The following ERCC6 variants were observed in gnomAD, a reference collection of about 807,000 sequenced individuals.
The protein encoded by ERCC6 is ERCC excision repair 6, chromatin remodeling factor.
Under a neutral mutation model 158.7 loss-of-function variants are expected in ERCC6, and 116 were observed. That is an observed-to-expected ratio of 0.73 (90% CI 0.63 to 0.85). The LOEUF (loss-of-function observed/expected upper bound fraction) is 0.85, where lower values mean the gene tolerates loss of function less well. Ranked by LOEUF, ERCC6 falls within the 40% of genes least tolerant of loss-of-function variation. The pLI, the probability that ERCC6 is intolerant of heterozygous loss-of-function variation, is 0.00. For synonymous variants in ERCC6, 678 were observed against 659.3 expected (o/e 1.03, Z -0.43); for missense variants, 1,698 against 1,799.4 (o/e 0.94, Z 1.02).
intron 11 of ERCC6, among the ~76,000 whole-genome samples, chr10:49,476,560 C>A (rs963133104): frequency 2.6e-5 from 4 of 152,116 alleles, no homozygotes; most frequent in African/African-American, 9.7e-5. Context: ...GCTTCCTGCT[C>A]ACGGGCAAGT....
chr10:49,513,996 CAA>C (rs941740624), intron 5 of ERCC6, among the ~76,000 whole-genome samples: 1 of 152,046 alleles, frequency 6.6e-6, no homozygotes, highest in African/African-American at 2.4e-5. Flanking sequence ...ATACTGTCTT[CAA>C]AAAAGTATTT....
chr10:49,461,409 G>A lies in ERCC6; in HGVS notation c.3926C>T (p.Ser1309Phe). 8.1e-6 allele frequency: 13 copies of A among 1,614,100 alleles called. No individual in the cohort carries two copies. The highest frequency in any genetic ancestry group is 1.1e-5 in the Non-Finnish European group (13 of 1,180,032). The change falls in exon 19 of 21, where the codon TCT (serine) becomes TTT (phenylalanine). Residue 1309 changes from serine to phenylalanine, a missense_variant. By Grantham distance (155) the Ser-to-Phe change is radical. Transcript: ENST00000355832. ...LSRQRCLGAV[S>F]GVPTWTGHRG... ...GTGGCCAGTCCAGGTGGGAACACCA[G>A]ACACTGCTCCCAGACACCGCTGACG...
chr10:49,535,488 G>C (rs996085023), intron 1 of ERCC6, among the ~76,000 whole-genome samples: 3 of 152,170 alleles, frequency 2.0e-5, no homozygotes, highest in Non-Finnish European at 2.9e-5. Context: ...CAAGAGGAAG[G>C]CTCAGCTCAC....
downstream of ERCC6, among the ~76,000 whole-genome samples, chr10:49,453,084 T>C (rs1320944912): frequency 6.6e-6 from 1 of 152,156 alleles, no homozygotes; most frequent in Admixed American, 6.5e-5. Flanking sequence ...TTACTTTTTG[T>C]TTTCTAGTAT....
rs993445429 is a variant in ERCC6, at chr10:49,506,053, A to G, written c.1398-41T>C. 3 of 1,608,990 alleles carry G rather than the reference A, an allele frequency of 1.9e-6. No homozygotes were observed. The Admixed American group carries it at 5.0e-5, about 27-fold the overall frequency. ...AAATCACATTTCCATTATTTTGATC[A>G]CAAGACAGATTTAAAAAGATAGCTC... On this transcript the variant is annotated intron_variant, in intron 5 of 20. Transcript: ENST00000355832.
In ERCC6 at chr10:49,497,574, G is replaced by A. The variant is rs544161593; in HGVS notation, c.1685+2964C>T. ...ATTTTCCCCCTTAGTAGAAAAAATT[G>A]GAGATTTTCACGCTGAGTTGAGATC... On this transcript the variant is annotated intron_variant, in intron 7 of 20. Coordinates refer to ENST00000355832, the MANE Select transcript of ERCC6 (RefSeq NM_000124.4). Among the ~76,000 whole-genome samples the A allele has an allele frequency of 1.1e-4, 17 of 152,258 alleles. No homozygotes were observed. In the East Asian group the frequency reaches 3.1e-3, roughly 28 times the overall value.
At chr10:49,507,734 C>T (rs1032594836) in intron 5 of ERCC6, among the ~76,000 whole-genome samples, 2 of 152,094 alleles carry the variant, frequency 1.3e-5, no homozygotes, top group Non-Finnish European at 1.5e-5. Flanking sequence ...TGGAAGGAGT[C>T]GGGAGGATAT....
At chr10:49,475,885 A>C (rs1404072529) in intron 12 of ERCC6, among the ~76,000 whole-genome samples, 1 of 152,172 alleles carries the variant, frequency 6.6e-6, no homozygotes, top group Admixed American at 6.5e-5. Context: ...TATCTGGGAA[A>C]ATGCAGCTAT....
chr10:49,471,219 G>T, intron 16 of ERCC6, 99 bp from the exon 17 acceptor site: 2 of 1,163,470 alleles, frequency 1.7e-6, no homozygotes, highest in Non-Finnish European at 2.5e-6. Flanking sequence ...AACAGCTGCT[G>T]CATGAATGGC....
Position 49,505,704 on chromosome 10 carries a change from T to C in ERCC6, c.1526+180A>G, listed in dbSNP as rs191681758. ...CCAATGCACATTTTAGTCAACTTAT[T>C]ATCATCCAATTTTAATGAACAGCAC... On this transcript the variant is annotated intron_variant, in intron 6 of 20. Transcript: ENST00000355832. The C allele has an allele frequency of 1.0e-4, 68 of 670,284 alleles. No homozygotes were observed. The Admixed American group carries it at 1.4e-3, about 14-fold the overall frequency. The allele number at this position is 670,284 out of a possible 1,614,324, so 41.5% of individuals were successfully genotyped here.
At position 49,459,101 on chromosome 10, in the gene ERCC6, A is replaced by G; in HGVS notation, c.4196T>C (p.Leu1399Pro). ...LLAKMRARNH[L>P]ILPERLESES... ...ACTTTCTAAACGCTCTGGCAGAATC[A>G]GGTGGTTTCTAGCTCTCATTTTAGC... The change falls in exon 21 of 21, where the codon CTG (leucine) becomes CCG (proline). Residue 1399 changes from leucine (L) to proline (P), a missense_variant. Coordinates refer to ENST00000355832, the MANE Select transcript of ERCC6 (RefSeq NM_000124.4). The G allele has an allele frequency of 6.2e-7, 1 of 1,614,218 alleles. No individual in the cohort carries two copies. Among genetic ancestry groups the G allele is most frequent in the Non-Finnish European group, 8.5e-7 (1 of 1,180,038 alleles).
intron 6 of ERCC6, chr10:49,505,154 T>C (rs1851422290): frequency 6.6e-6 from 1 of 152,144 alleles, no homozygotes; most frequent in Non-Finnish European, 1.5e-5. Context: ...CTTCCTAAAG[T>C]ATCTTGTTAA....
the ERCC6 span, among the ~76,000 whole-genome samples, chr10:49,438,927 C>T: frequency 6.6e-6 from 1 of 152,212 alleles, no homozygotes; most frequent in African/African-American, 2.4e-5. Context: ...ATCTAGGTCA[C>T]GCTGATGTAA....
chr10:49,481,229 TAACA>T (rs1850973173), intron 10 of ERCC6, among the ~76,000 whole-genome samples: 3 of 152,226 alleles, frequency 2.0e-5, no homozygotes, highest in African/African-American at 7.2e-5. Context: ...TGCAAAATGC[TAACA>T]ATCAGTGAAT....
intron 11 of ERCC6, among the ~76,000 whole-genome samples, chr10:49,476,866 T>C (rs1442284521): frequency 2.0e-5 from 3 of 152,132 alleles, no homozygotes; most frequent in African/African-American, 7.2e-5. Flanking sequence ...GCCAGTTACA[T>C]TCCCACGGAT....
rs1170946712 is a variant in ERCC6, at chr10:49,456,621, T to G, written c.*2194A>C. 1.3e-5 allele frequency: 2 copies of G among 152,246 alleles called. No individual in the cohort carries two copies. Among genetic ancestry groups the G allele is most frequent in the Non-Finnish European group, 2.9e-5 (2 of 68,044 alleles). The allele number at this position is 152,246 out of a possible 1,614,324, so 9.4% of individuals were successfully genotyped here. ...GGGGAGGCAGACTATTGCTTGAACATTTTTAATGGTGATAGTATTAACATT... is the reference window on the plus strand; with the variant it reads ...GGGGAGGCAGACTATTGCTTGAACAGTTTTAATGGTGATAGTATTAACATT... On this transcript the variant is annotated 3_prime_UTR_variant, in exon 21 of 21. Coordinates refer to ENST00000355832, the MANE Select transcript of ERCC6 (RefSeq NM_000124.4).
At chr10:49,514,637 T>C (rs1420563401) in intron 5 of ERCC6, among the ~76,000 whole-genome samples, 1 of 152,228 alleles carries the variant, frequency 6.6e-6, no homozygotes, top group Admixed American at 6.5e-5. Flanking sequence ...AAATCATTCT[T>C]AATACAGAGT....
intron 1 of ERCC6, 73 bp from the exon 2 acceptor site, chr10:49,533,051 G>C: frequency 1.3e-6 from 2 of 1,497,120 alleles, no homozygotes; most frequent in South Asian, 1.2e-5. Context: ...TTTATAATTA[G>C]AGCAGACTGA....
chr10:49,445,731 G>T, the ERCC6 span, among the ~76,000 whole-genome samples: 1 of 152,182 alleles, frequency 6.6e-6, no homozygotes, highest in Non-Finnish European at 1.5e-5. Flanking sequence ...AGTGCCAGGG[G>T]CTACAAACGA....
Sources: gnomAD v4.1 joint callset for allele counts (sites outside exome capture counted in the v4.1 genomes callset) on GRCh38, gnomAD v4.1.1 for gene constraint, MANE v1.5 for transcripts, NCBI Gene and HGNC (gene_info 2026-07-23, HGNC 2026-07-21) for gene names.